Variants in FN1 observed in about 807,000 individuals in gnomAD.
The protein encoded by FN1 is fibronectin.
Under a neutral mutation model 297.3 loss-of-function variants are expected in FN1, and 106 were observed. That is an observed-to-expected ratio of 0.36 (90% confidence interval 0.30 to 0.42). The LOEUF (loss-of-function observed/expected upper bound fraction) is 0.42. Among genes scored for constraint, FN1 ranks in the 10% least tolerant of loss-of-function variants. The pLI, the probability that FN1 is intolerant of heterozygous loss-of-function variation, is 1.00. For synonymous variants in FN1, 1,149 were observed against 1,152.6 expected, an observed-to-expected ratio of 1.00 and a Z score of 0.06; for missense variants, 2,690 against 3,124.9, an observed-to-expected ratio of 0.86 and a Z score of 3.32.
intron 26 of FN1, 67 bp from the exon 27 acceptor site, chr2:215,388,368 G>C: frequency 8.9e-7 from 1 of 1,120,568 alleles, no homozygotes; most frequent in Non-Finnish European, 1.4e-6. Context: ...AGCACGCCCA[G>C]GACTATTTGA....
In FN1 at chr2:215,425,267, T is replaced by G; in HGVS notation, c.863A>C (p.Asp288Ala). 1 of 1,614,038 alleles carries G rather than the reference T, an allele frequency of 6.2e-7. No homozygotes were observed. Among genetic ancestry groups the G allele is most frequent in the Non-Finnish European group, 8.5e-7 (1 of 1,180,012 alleles). Reference sequence around the variant, plus strand: ...CGGTTGGTAAACAGCTGCACGAACATCGGTGAAGGGGCCAGATCCTAATGG... The same window carrying G: ...CGGTTGGTAAACAGCTGCACGAACAGCGGTGAAGGGGCCAGATCCTAATGG... ...TTSSGSGPFT[D>A]VRAAVYQPQP... Residue 288 changes from aspartate (D) to alanine (A), a missense_variant, in exon 7 of 46, where the codon GAT becomes GCT. By Grantham distance (126) the Asp-to-Ala change is moderately radical. Transcript: ENST00000354785.
At chr2:215,414,727 T>A in intron 13 of FN1, 110 bp downstream of exon 13, 1 of 1,540,410 alleles carries the variant, frequency 6.5e-7, no homozygotes, top group Non-Finnish European at 8.8e-7. Context: ...GTAAATGCTA[T>A]AGGAATAGTT....
chr2:215,393,225 G>A (rs747232994), intron 24 of FN1, 22 bp from the exon 25 acceptor site: 4 of 1,606,584 alleles, frequency 2.5e-6, no homozygotes, highest in African/African-American at 1.4e-5. Flanking sequence ...CAAAGCAAAG[G>A]GAGGGGGAGG....
intron 19 of FN1, among the ~76,000 whole-genome samples, chr2:215,405,075 A>C (rs1372369302): frequency 1.3e-5 from 2 of 152,252 alleles, no homozygotes; most frequent in Non-Finnish European, 2.9e-5. Flanking sequence ...TCTATGGGTC[A>C]AAAGCAATAT....
chr2:215,394,404 A>G lies in FN1; in HGVS notation c.3796+124T>C. ...TTGACTTCTTGGTTTTGGAAAGTGC[A>G]GCTGGGAGATCGGAATTAAATCCCA... On this transcript the variant is annotated intron_variant, in intron 24 of 45. Transcript: ENST00000354785. The G allele has an allele frequency of 1.0e-5, 9 of 880,636 alleles. No individual in the cohort carries two copies. The South Asian group carries it at 1.2e-4, about 12-fold the overall frequency. 54.6% of individuals were successfully genotyped at this position (880,636 alleles called of 1,614,324 possible). A position where few individuals can be genotyped will look rare whatever the true frequency, so the allele number is the denominator to read the frequency against.
intron 15 of FN1, among the ~76,000 whole-genome samples, chr2:215,409,207 A>T (rs988747434): frequency 2.6e-5 from 4 of 152,136 alleles, no homozygotes; most frequent in African/African-American, 9.7e-5. Context: ...AAGGCCCCTC[A>T]CCATAACAAT....
chr2:215,381,477 G>C, intron 32 of FN1: 4 of 309,246 alleles, frequency 1.3e-5, no homozygotes, highest in South Asian at 1.2e-4. Flanking sequence ...TAATTGTTTT[G>C]TTTTGTTTTT....
Position 215,431,931 on chromosome 2 carries a change from A to G in FN1, c.449T>C (p.Ile150Thr). Residue 150 changes from isoleucine to threonine, a missense_variant, in exon 4 of 46, where the codon ATT becomes ACT. Physicochemically the swap from Ile to Thr is moderately conservative, Grantham distance 89. This residue lies in a region of FN1 where 876 missense variants were observed against 1,058.1 expected (regional missense o/e 0.83). Coordinates refer to ENST00000354785, the MANE Select transcript of FN1 (RefSeq NM_212482.4). ...RCHEGGQSYK[I>T]GDTWRRPHET... is the part of the protein sequence containing the mutation. ...ATGTGGTCTCCTCCAGGTGTCACCA[A>G]TCTTGTAGGACTGACCCCCTTCATG... is the stretch of plus-strand genomic sequence containing the variant. 1.9e-6 allele frequency: 3 copies of G among 1,614,184 alleles called. No individual in the cohort carries two copies. Among genetic ancestry groups the G allele is most frequent in the Non-Finnish European group, 2.5e-6 (3 of 1,180,016 alleles).
intron 32 of FN1, chr2:215,381,486 T>TG (rs2058204729): frequency 6.5e-6 from 2 of 309,888 alleles, no homozygotes; most frequent in Non-Finnish European, 1.2e-5. Flanking sequence ...TGTTTTGTTT[T>TG]TTTTTGAGAT....
At chr2:215,407,965 CACA>C in intron 17 of FN1, 140 bp downstream of exon 17, 3 of 668,560 alleles carry the variant, frequency 4.5e-6, no homozygotes, top group East Asian at 2.9e-5. Flanking sequence ...CACACACACA[CACA>C]CACACACACA....
chr2:215,361,517 A>G lies in FN1; in HGVS notation c.*38T>C. 7.2e-7 allele frequency: 1 copy of G among 1,394,486 alleles called. No homozygotes were observed. Among genetic ancestry groups the G allele is most frequent in the Non-Finnish European group, 1.0e-6 (1 of 979,362 alleles). The allele number at this position is 1,394,486 out of a possible 1,614,324, so 86.4% of individuals were successfully genotyped here. On this transcript the variant is annotated 3_prime_UTR_variant, in exon 46 of 46. Coordinates refer to ENST00000354785, the MANE Select transcript of FN1 (RefSeq NM_212482.4). ...CACTCCAGTTTAGATGGATCTTGGCAGAGAGACATGCTTGTTCCTCTGGAT... is the reference window on the plus strand; with the variant it reads ...CACTCCAGTTTAGATGGATCTTGGCGGAGAGACATGCTTGTTCCTCTGGAT...
At chr2:215,386,151 C>T (rs1166000449) in intron 28 of FN1, among the ~76,000 whole-genome samples, 1 of 137,810 alleles carries the variant, frequency 7.3e-6, no homozygotes, top group East Asian at 2.5e-4. Flanking sequence ...GATCTCAGCT[C>T]ACTGCAACCT....
chr2:215,379,084 G>C, intron 34 of FN1, 46 bp downstream of exon 34: 5 of 1,493,372 alleles, frequency 3.3e-6, no homozygotes, highest in Non-Finnish European at 4.7e-6. Flanking sequence ...AACTGTGTTA[G>C]AGATGATCTC....
At chr2:215,366,195 A>G (rs114880070) in intron 42 of FN1, among the ~76,000 whole-genome samples, 206 of 152,238 alleles carry the variant, frequency 1.4e-3, no homozygotes, top group African/African-American at 4.9e-3. Flanking sequence ...TTAAGACCCA[A>G]TTTATTCTGC....
rs1311723335 is a variant in FN1 at position 215,379,308 on chromosome 2, G to A, written c.5444C>T (p.Ala1815Val). 1.9e-6 allele frequency: 3 copies of A among 1,613,878 alleles called. No individual in the cohort carries two copies. In the African/African-American group the frequency reaches 4.0e-5, roughly 22 times the overall value. ...CTGAGTGAACTTCAGGTCAGTTGGT[G>A]CAGGAATAGCTGTCGAGATTGTCAT... The part of the protein sequence containing the change: ...LIGTQSTAIP[A>V]PTDLKFTQVT... The change falls in exon 34 of 46, where the codon GCA becomes GTA. Residue 1815 changes from alanine (A) to valine (V), a missense_variant. Physicochemically the swap from Ala to Val is moderately conservative, Grantham distance 64. Transcript: ENST00000354785.
At position 215,435,566 on chromosome 2, in the gene FN1, G is replaced by A. The variant is rs79614341; in HGVS notation, c.148+89C>T. 2,246 of 1,557,652 alleles carry A rather than the reference G, an allele frequency of 1.4e-3. 18 individuals carry two copies. The African/African-American group carries it at 0.026, about 18-fold the overall frequency. ...AAAGCGCGCACACACTCGCACACAC[G>A]CGCGCGCACAAAACTTCAGCCCCAA... On this transcript the variant is annotated intron_variant, in intron 1 of 45. Transcript: ENST00000354785.
chr2:215,421,178 A>T (rs1439777688), intron 10 of FN1: 5 of 320,100 alleles, frequency 1.6e-5, no homozygotes, highest in Admixed American at 9.0e-5. Context: ...AATAAGAAGA[A>T]GATTAAACAT....
chr2:215,394,645 C>T lies in FN1; in HGVS notation c.3679G>A (p.Ala1227Thr). The stretch of plus-strand genomic sequence containing the variant: ...TCAAAAGTGCAGGAGCTCTGATCAG[C>T]ATGGACCACTTCTTCCAAAGAATTT... ...QGNSLEEVVH[A>T]DQSSCTFDNL... Residue 1227 changes from alanine (A) to threonine (T), a missense_variant, in exon 24 of 46, where the codon GCT (alanine) becomes ACT (threonine). By Grantham distance (58) the Ala-to-Thr change is moderately conservative (BLOSUM62 0). Coordinates refer to ENST00000354785, the MANE Select transcript of FN1 (RefSeq NM_212482.4). The T allele has an allele frequency of 1.2e-6, 2 of 1,614,124 alleles. No homozygotes were observed. Among genetic ancestry groups the T allele is most frequent in the South Asian group, 1.1e-5 (1 of 91,078 alleles).
Position 215,368,424 on chromosome 2 carries a change from T to C in FN1, c.6854-397A>G, listed in dbSNP as rs1196695797. Among the ~76,000 whole-genome samples the C allele has an allele frequency of 2.0e-5, 3 of 152,200 alleles. No homozygotes were observed. In the East Asian group the frequency reaches 5.8e-4, roughly 29 times the overall value. On this transcript the variant is annotated intron_variant, in intron 41 of 45. Transcript: ENST00000354785. ...CCAGCTATTTAATACCACTCTGCCT[T>C]GCTTCCCTCATCTGCAATACTAGCG...
Sources: gnomAD v4.1 joint callset for allele counts (sites outside exome capture counted in the v4.1 genomes callset) on GRCh38, gnomAD v4.1.1 for gene constraint, gnomAD v4.1.1 regional missense constraint, MANE v1.5 for transcripts, NCBI Gene and HGNC (gene_info 2026-07-23, HGNC 2026-07-21) for gene names.